PPFIA1: variants seen among roughly 807,000 people sequenced by gnomAD.
The protein encoded by PPFIA1 is PPFI scaffold protein A1.
A neutral mutation model predicts 149.9 loss-of-function variants in PPFIA1; 25 were observed. The observed-to-expected ratio is 0.17, with a 90% CI of 0.12 to 0.23. The LOEUF is 0.23. Among genes scored for constraint, PPFIA1 ranks in the 10% least tolerant of loss-of-function variants. The pLI is 1.00. For missense variants in PPFIA1, 1,362 were observed against 1,506.5 expected (o/e 0.90, Z 1.59); for synonymous variants, 549 against 552.8 (o/e 0.99, Z 0.10).
chr11:70,287,998 T>C (rs2051262595), intron 2 of PPFIA1, among the ~76,000 whole-genome samples: 1 of 152,008 alleles, frequency 6.6e-6, no homozygotes, highest in Non-Finnish European at 1.5e-5. Context: ...AGTCTAAGTG[T>C]GTATAGGTCC....
chr11:70,289,612 C>T (rs959537905), intron 2 of PPFIA1, among the ~76,000 whole-genome samples: 1 of 152,106 alleles, frequency 6.6e-6, no homozygotes, highest in African/African-American at 2.4e-5. Flanking sequence ...TGTAACATAA[C>T]CAAAGTAATT....
chr11:70,338,022 C>A (rs904725696), intron 12 of PPFIA1, among the ~76,000 whole-genome samples: 1 of 152,168 alleles, frequency 6.6e-6, no homozygotes, highest in African/African-American at 2.4e-5. Context: ...CAATTAAACA[C>A]AATACAGAGA....
At chr11:70,295,996 C>A (rs1244773568) in intron 2 of PPFIA1, among the ~76,000 whole-genome samples, 1 of 151,934 alleles carries the variant, frequency 6.6e-6, no homozygotes, top group Non-Finnish European at 1.5e-5. Flanking sequence ...CTCCTCACCT[C>A]CCAGACGGGG....
chr11:70,280,668 A>G (rs2050705495), intron 2 of PPFIA1, among the ~76,000 whole-genome samples: 1 of 152,204 alleles, frequency 6.6e-6, no homozygotes, highest in African/African-American at 2.4e-5. Flanking sequence ...CCAGGGCTCA[A>G]GCAATCCTTC....
rs1239193133 is a variant in PPFIA1 at position 70,383,233 on chromosome 11, T to G, written c.*243T>G. The G allele has an allele frequency of 6.8e-6, 2 of 292,506 alleles. No individual in the cohort carries two copies. The highest frequency in any genetic ancestry group is 3.0e-5 in the South Asian group (1 of 33,662). The allele number at this position is 292,506 out of a possible 1,614,324, so 18.1% of individuals were successfully genotyped here. ...ACTTATGACTCTTCATTTATATAGT[T>G]ACTTACTTTTTCATGTATATCCAGG... On this transcript the variant is annotated 3_prime_UTR_variant, in exon 28 of 28. Coordinates refer to ENST00000253925, the MANE Select transcript of PPFIA1 (RefSeq NM_003626.5).
rs746625895 is a variant in PPFIA1 at position 70,329,350 on chromosome 11, C to T, written c.931-823C>T. ...TTAAGAGAGACAAGTCTTTGTTAAT[C>T]GTATAGGTGAATATTTATGGTATTT... On this transcript the variant is annotated intron_variant, in intron 7 of 27. Transcript: ENST00000253925. 4.6e-5 allele frequency among the ~76,000 whole-genome samples: 7 copies of T among 152,160 alleles called. No homozygotes were observed. The East Asian group carries it at 5.8e-4, about 13-fold the overall frequency.
At chr11:70,359,892 C>T (rs2056546895) in intron 19 of PPFIA1, among the ~76,000 whole-genome samples, 1 of 152,268 alleles carries the variant, frequency 6.6e-6, no homozygotes, top group Admixed American at 6.5e-5. Flanking sequence ...CTTCAGCCAT[C>T]TCCAGGCTCT....
chr11:70,329,658 G>A lies in PPFIA1; in HGVS notation c.931-515G>A, dbSNP rs535596942. Among the ~76,000 whole-genome samples the A allele has an allele frequency of 2.1e-4, 32 of 152,252 alleles. 1 individual carries two copies. Among genetic ancestry groups the A allele is most frequent in the African/African-American group, 7.7e-4 (32 of 41,550 alleles). On this transcript the variant is annotated intron_variant, in intron 7 of 27. Transcript: ENST00000253925. Reference sequence around the variant, plus strand: ...TTTTTGGCCAGGGACACTGGCTCACGCCTGTAATCCTAACACTTTGGGAGG... The same window carrying A: ...TTTTTGGCCAGGGACACTGGCTCACACCTGTAATCCTAACACTTTGGGAGG...
Position 70,343,690 on chromosome 11 carries a change from G to A in PPFIA1, c.1729G>A (p.Asp577Asn). ...ATAGGTACAAACTCTTAATGAGCAGGATTGGGAACGTGCCCAGCAAGCTAG... is the reference window on the plus strand; with the variant it reads ...ATAGGTACAAACTCTTAATGAGCAGAATTGGGAACGTGCCCAGCAAGCTAG... Reference protein sequence around the residue: ...PSKVQTLNEQDWERAQQASVL... With the variant: ...PSKVQTLNEQNWERAQQASVL... The change falls in exon 15 of 28, where the codon GAT becomes AAT. Residue 577 changes from aspartate (D) to asparagine (N), a missense_variant. Coordinates refer to ENST00000253925, the MANE Select transcript of PPFIA1 (RefSeq NM_003626.5). 6.2e-7 allele frequency: 1 copy of A among 1,614,238 alleles called. No individual in the cohort carries two copies. The highest frequency in any genetic ancestry group is 8.5e-7 in the Non-Finnish European group (1 of 1,180,040).
At chr11:70,372,127 G>A (rs1591380084) in intron 21 of PPFIA1, 88 bp from the exon 22 acceptor site, 2 of 1,171,746 alleles carry the variant, frequency 1.7e-6, no homozygotes, top group East Asian at 5.2e-5. Context: ...GAGAATATAG[G>A]TAATAGATTA....
intron 7 of PPFIA1, 199 bp from the exon 8 acceptor site, chr11:70,329,974 T>G (rs1418321467): frequency 1.9e-6 from 1 of 520,522 alleles, no homozygotes; most frequent in African/African-American, 2.0e-5. Flanking sequence ...CTTGAACTCC[T>G]TGCCTGAAGC....
chr11:70,286,796 C>T (rs4261311), intron 2 of PPFIA1, among the ~76,000 whole-genome samples: 30,330 of 132,966 alleles, frequency 0.23, 4,979 homozygotes, highest in African/African-American at 0.47. Flanking sequence ...CTCACTTTAT[C>T]ACCCAGGTGG....
intron 15 of PPFIA1, among the ~76,000 whole-genome samples, chr11:70,344,720 G>C (rs549362826): frequency 6.0e-4 from 91 of 152,354 alleles, no homozygotes; most frequent in Non-Finnish European, 1.1e-3. Context: ...TTACAGACCT[G>C]TAGAGTCCTA....
rs962017060 is a variant in PPFIA1, at chr11:70,361,972, G to A, written c.2583-123G>A. The A allele has an allele frequency of 2.0e-5, 17 of 834,608 alleles. No individual in the cohort carries two copies. In the South Asian group the frequency reaches 2.6e-4, roughly 13 times the overall value. 51.7% of individuals were successfully genotyped at this position (834,608 alleles called of 1,614,324 possible). A position where few individuals can be genotyped will look rare whatever the true frequency, so the allele number is the denominator to read the frequency against. On this transcript the variant is annotated intron_variant, in intron 19 of 27. Transcript: ENST00000253925. The stretch of plus-strand genomic sequence containing the variant: ...GTTGGGGTCTCGCTGTGTTGTCTAG[G>A]CTGGTCTTGAACTCCTGGGCTCAAG...
chr11:70,369,476 A>G (rs2057120585), intron 21 of PPFIA1, among the ~76,000 whole-genome samples: 1 of 152,224 alleles, frequency 6.6e-6, no homozygotes, highest in Non-Finnish European at 1.5e-5. Context: ...TGCTGGCCTC[A>G]TAGAATGAGA....
intron 2 of PPFIA1, among the ~76,000 whole-genome samples, chr11:70,281,248 C>T (rs2050743033): frequency 6.6e-6 from 1 of 152,120 alleles, no homozygotes; most frequent in Non-Finnish European, 1.5e-5. Flanking sequence ...AGAAAGTTTC[C>T]CTCTGTCATC....
At chr11:70,337,230 C>T (rs58039907) in intron 11 of PPFIA1, 135 bp from the exon 12 acceptor site, 82,155 of 555,430 alleles carry the variant, frequency 0.15, 9,381 homozygotes, top group African/African-American at 0.46. Context: ...CCTGGGACTA[C>T]AGCAGTGCTT....
At chr11:70,353,199 A>G (rs1334888677) in intron 16 of PPFIA1, among the ~76,000 whole-genome samples, 1 of 152,014 alleles carries the variant, frequency 6.6e-6, no homozygotes, top group Non-Finnish European at 1.5e-5. Flanking sequence ...ACTTTACACA[A>G]TCCCATTTAA....
chr11:70,272,070 T>G, intron 1 of PPFIA1, 103 bp from the exon 2 acceptor site: 33 of 1,274,852 alleles, frequency 2.6e-5, no homozygotes, highest in East Asian at 4.6e-5. Flanking sequence ...CTGAGCATAA[T>G]GAGACTGCCC....
Sources: gnomAD v4.1 joint callset for allele counts (sites outside exome capture counted in the v4.1 genomes callset) on GRCh38, gnomAD v4.1.1 for gene constraint, MANE v1.5 for transcripts, NCBI Gene and HGNC (gene_info 2026-07-23, HGNC 2026-07-21) for gene names.